The following TSTD2 variants were observed in gnomAD, a reference collection of about 807,000 sequenced individuals.
TSTD2 encodes the protein thiosulfate sulfurtransferase like domain containing 2.
TSTD2 carries 37 observed loss-of-function variants against 47.9 expected under a neutral mutation model. The observed-to-expected ratio is 0.77, with a 90% CI of 0.59 to 1.02. The LOEUF (loss-of-function observed/expected upper bound fraction) is 1.02. Ranked by LOEUF, TSTD2 falls within the 50% of genes least tolerant of loss-of-function variation. The pLI is 0.00. For missense variants in TSTD2, 586 were observed against 616.0 expected, an observed-to-expected ratio of 0.95 and a Z score of 0.52; for synonymous variants, 201 against 215.9, an observed-to-expected ratio of 0.93 and a Z score of 0.61.
intron 1 of TSTD2, among the ~76,000 whole-genome samples, chr9:97,628,999 A>G (rs1826767898): frequency 6.6e-6 from 1 of 152,168 alleles, no homozygotes; most frequent in Admixed American, 6.5e-5. Context: ...ACAACATAAC[A>G]ACTGGTTATT....
intron 3 of TSTD2, among the ~76,000 whole-genome samples, chr9:97,624,706 T>C (rs7049183): frequency 0.12 from 17,905 of 151,642 alleles, 3,001 homozygotes; most frequent in African/African-American, 0.37. Context: ...AATTATGCAA[T>C]TAAAGAAGAG....
intron 4 of TSTD2, among the ~76,000 whole-genome samples, chr9:97,615,527 G>C (rs1250807800): frequency 6.6e-6 from 1 of 152,070 alleles, no homozygotes; most frequent in African/African-American, 2.4e-5. Flanking sequence ...TAGAGTAGAG[G>C]CTTTTTTCCC....
intron 1 of TSTD2, among the ~76,000 whole-genome samples, chr9:97,630,607 T>C (rs959760943): frequency 2.6e-5 from 4 of 152,192 alleles, no homozygotes; most frequent in African/African-American, 7.2e-5. Flanking sequence ...AACCACTCTA[T>C]CTATACTTAC....
chr9:97,629,920 A>G (rs956148610), intron 1 of TSTD2, among the ~76,000 whole-genome samples: 4 of 151,988 alleles, frequency 2.6e-5, no homozygotes, highest in Non-Finnish European at 2.9e-5. Context: ...ATCTTTTCCA[A>G]TCTCCCTCTA....
At chr9:97,612,676 C>A (rs1244225725) in intron 4 of TSTD2, among the ~76,000 whole-genome samples, 2 of 152,246 alleles carry the variant, frequency 1.3e-5, no homozygotes, top group African/African-American at 4.8e-5. Context: ...CTACCTCAGC[C>A]TCCTGAGTAG....
At chr9:97,617,635 A>G (rs766255676) in intron 4 of TSTD2, 122 bp downstream of exon 4, 7 of 1,282,278 alleles carry the variant, frequency 5.5e-6, no homozygotes, top group Non-Finnish European at 7.3e-6. Context: ...TGCTCAGCAG[A>G]ATTTCCCTAA....
At position 97,611,694 on chromosome 9, in the gene TSTD2, T is replaced by C. The variant is rs911042044; in HGVS notation, c.609A>G (p.Arg203=). The change falls in exon 5 of 10, where the codon CGA becomes CGG. Residue 203 remains arginine (R), a synonymous_variant. Coordinates refer to ENST00000341170, the MANE Select transcript of TSTD2 (RefSeq NM_139246.5). ...TCCCATTGATTCCTTCTGCAGCAAT[T>C]CGAATCTGAGACACAAGACGGTGAA... ...CQHLHLTGKI[R]IAAEGINGTV... The C allele has an allele frequency of 1.9e-6, 3 of 1,601,936 alleles. No homozygotes were observed. In the African/African-American group the frequency reaches 4.0e-5, roughly 21 times the overall value.
chr9:97,605,806 G>A (rs1826356109), intron 7 of TSTD2, among the ~76,000 whole-genome samples, 165 bp from the exon 8 acceptor site: 1 of 152,186 alleles, frequency 6.6e-6, no homozygotes, highest in African/African-American at 2.4e-5. Context: ...ACTTAAAACC[G>A]AGGCTGTGGG....
intron 1 of TSTD2, among the ~76,000 whole-genome samples, chr9:97,628,871 C>CAG (rs893432891): frequency 3.3e-5 from 5 of 152,164 alleles, no homozygotes; most frequent in African/African-American, 1.2e-4. Flanking sequence ...TGGAGAGGAA[C>CAG]AGAGGCCTCC....
In TSTD2 at chr9:97,600,609, G is replaced by A. The variant is rs148420423; in HGVS notation, c.*1860C>T. On this transcript the variant is annotated 3_prime_UTR_variant, in exon 10 of 10. Coordinates refer to ENST00000341170, the MANE Select transcript of TSTD2 (RefSeq NM_139246.5). ...CAGATCAACATGGCTATGGTATTTAGTAATGGCCCAGCTTAGAGACTTCAG... is the reference window on the plus strand; with the variant it reads ...CAGATCAACATGGCTATGGTATTTAATAATGGCCCAGCTTAGAGACTTCAG... 4,539 of 986,908 alleles carry A rather than the reference G, an allele frequency of 4.6e-3. 20 individuals are homozygous for A. The highest frequency in any genetic ancestry group is 5.1e-3 in the Non-Finnish European group (4,259 of 830,988). 61.1% of individuals were successfully genotyped at this position (986,908 alleles called of 1,614,324 possible). A position where few individuals can be genotyped will look rare whatever the true frequency, so the allele number is the denominator to read the frequency against.
chr9:97,627,673 A>C (rs1826744128), intron 1 of TSTD2, 61 bp from the exon 2 acceptor site: 7 of 1,148,928 alleles, frequency 6.1e-6, no homozygotes, highest in Admixed American at 4.9e-5. Context: ...AGAAAATATG[A>C]AGCTAATCAA....
At chr9:97,622,673 T>C (rs570520814) in intron 3 of TSTD2, among the ~76,000 whole-genome samples, 14 of 152,110 alleles carry the variant, frequency 9.2e-5, no homozygotes, top group African/African-American at 3.1e-4. Context: ...AAAGGCGGAG[T>C]TGCCCAGTAT....
At chr9:97,609,898 C>G (rs1200795372) in intron 6 of TSTD2, among the ~76,000 whole-genome samples, 1 of 152,102 alleles carries the variant, frequency 6.6e-6, no homozygotes, top group Non-Finnish European at 1.5e-5. Flanking sequence ...ATAAAACCCC[C>G]AAAAACCTGC....
Position 97,601,630 on chromosome 9 carries a change from A to T in TSTD2, c.*839T>A, listed in dbSNP as rs41274252. The T allele has an allele frequency of 0.027, 26,269 of 984,016 alleles. 4,386 individuals carry two copies. In the African/African-American group the frequency reaches 0.37, roughly 14 times the overall value. The allele number at this position is 984,016 out of a possible 1,614,324, so 61.0% of individuals were successfully genotyped here. A position where few individuals can be genotyped will look rare whatever the true frequency, so the allele number is the denominator to read the frequency against. ...TTTCTGTAAAAGGCCAGACAGTAAA[A>T]ATTTCCGATTTTGCAGGCCACATAG... is the stretch of plus-strand genomic sequence containing the variant. On this transcript the variant is annotated 3_prime_UTR_variant, in exon 10 of 10. Coordinates refer to ENST00000341170, the MANE Select transcript of TSTD2 (RefSeq NM_139246.5).
chr9:97,613,985 C>A (rs1215763766), intron 4 of TSTD2, among the ~76,000 whole-genome samples: 3 of 152,050 alleles, frequency 2.0e-5, no homozygotes, highest in African/African-American at 7.2e-5. Flanking sequence ...CCCGCCACCA[C>A]GCCCGGCTAA....
chr9:97,627,231 C>T, intron 2 of TSTD2, 167 bp downstream of exon 2: 2 of 1,301,196 alleles, frequency 1.5e-6, no homozygotes, highest in African/African-American at 3.0e-5. Context: ...ATTCCAGGAC[C>T]ACACCTTGCC....
At chr9:97,630,482 TAAAC>T (rs140932255) in intron 1 of TSTD2, among the ~76,000 whole-genome samples, 6,506 of 126,530 alleles carry the variant, frequency 0.051, 171 homozygotes, top group Middle Eastern at 0.082. Context: ...AAGTAAGTAA[TAAAC>T]AAACAAACAA....
Position 97,606,821 on chromosome 9 carries a change from CAAGAAG to C in TSTD2, c.836-566_836-561del, listed in dbSNP as rs1178439533. On this transcript the variant is annotated intron_variant, in intron 6 of 9. Transcript: ENST00000341170. The stretch of plus-strand genomic sequence containing the variant: ...TAGATACATTTTTAATGCAAAGGAG[CAAGAAG>C]AATGTGTCTAAGTGTGTGTGCATGA... 2.6e-5 allele frequency among the ~76,000 whole-genome samples: 4 copies of C among 151,744 alleles called. No homozygotes were observed. The East Asian group carries it at 5.8e-4, about 22-fold the overall frequency.
chr9:97,624,192 A>T (rs1034998022), intron 3 of TSTD2, among the ~76,000 whole-genome samples: 2 of 152,214 alleles, frequency 1.3e-5, no homozygotes, highest in Non-Finnish European at 2.9e-5. Flanking sequence ...CTACGTGACC[A>T]ATAGCATCAA....
Sources: gnomAD v4.1 joint callset for allele counts (sites outside exome capture counted in the v4.1 genomes callset) on GRCh38, gnomAD v4.1.1 for gene constraint, MANE v1.5 for transcripts, NCBI Gene and HGNC (gene_info 2026-07-23, HGNC 2026-07-21) for gene names.